The following TEAD2 variants were observed in gnomAD, a reference collection of about 807,000 sequenced individuals.
TEAD2 encodes TEA domain transcription factor 2, also known as transcriptional enhancer factor TEF-4.
A neutral mutation model predicts 61.4 loss-of-function variants in TEAD2; 51 were observed. That is an observed-to-expected ratio of 0.83 (90% CI 0.66 to 1.05). The LOEUF (loss-of-function observed/expected upper bound fraction) is 1.05, where lower values mean the gene tolerates loss of function less well. Among genes scored for constraint, TEAD2 ranks in the 50% least tolerant of loss-of-function variants. The pLI is 0.00. For missense variants in TEAD2, 509 were observed against 600.0 expected (o/e 0.85, Z 1.58); for synonymous variants, 244 against 243.2 (o/e 1.00, Z -0.03).
intron 3 of TEAD2, chr19:49,357,732 G>A (rs1332643851): frequency 4.1e-6 from 1 of 243,028 alleles, no homozygotes; most frequent in African/African-American, 2.2e-5. Flanking sequence ...GGATCATGGA[G>A]GTGAACCCCT....
At chr19:49,356,662 G>C (rs1370007341) in intron 4 of TEAD2, among the ~76,000 whole-genome samples, 1 of 152,092 alleles carries the variant, frequency 6.6e-6, no homozygotes, top group Admixed American at 6.6e-5. Flanking sequence ...GGGAAGATAT[G>C]AGACCGCCAG....
At chr19:49,361,127 C>T (rs1295741275) in intron 1 of TEAD2, among the ~76,000 whole-genome samples, 4 of 97,372 alleles carry the variant, frequency 4.1e-5, no homozygotes, top group Non-Finnish European at 7.4e-5. Context: ...GAGGGGGAGA[C>T]AGAGACCAGA....
At chr19:49,346,841 CT>C (rs1422474845) in intron 10 of TEAD2, among the ~76,000 whole-genome samples, 1 of 152,194 alleles carries the variant, frequency 6.6e-6, no homozygotes, top group African/African-American at 2.4e-5. Flanking sequence ...GGGGTCTTTC[CT>C]TAGCAGCACG....
In TEAD2 at chr19:49,357,296, C is replaced by T; in HGVS notation, c.316G>A (p.Val106Ile). The change falls in exon 4 of 13, where the codon GTT becomes ATT. Residue 106 changes from valine (V) to isoleucine (I), a missense_variant. Physicochemically the swap from Val to Ile is conservative, Grantham distance 29. Coordinates refer to ENST00000593945, the MANE Select transcript of TEAD2 (RefSeq NM_001256660.2). The part of the protein sequence containing the change: ...TRKQVSSHIQ[V>I]LARRKSREIQ... ...TCCCTTGATTTCCTTCGGGCCAAAACCTGGATGTGACTAGAAACCTGGAAG... is the reference window on the plus strand; with the variant it reads ...TCCCTTGATTTCCTTCGGGCCAAAATCTGGATGTGACTAGAAACCTGGAAG... 6.2e-7 allele frequency: 1 copy of T among 1,613,780 alleles called. No individual in the cohort carries two copies. The highest frequency in any genetic ancestry group is 1.1e-5 in the South Asian group (1 of 91,048).
chr19:49,342,359 T>A (rs1971348560), intron 12 of TEAD2, 79 bp downstream of exon 12: 6 of 1,536,476 alleles, frequency 3.9e-6, no homozygotes, highest in South Asian at 2.4e-5. Flanking sequence ...GGTGAGGAGA[T>A]CCCCTAGACT....
chr19:49,348,905 C>T, intron 8 of TEAD2, 60 bp from the exon 9 acceptor site: 1 of 1,433,416 alleles, frequency 7.0e-7, no homozygotes, highest in Non-Finnish European at 9.1e-7. Flanking sequence ...ATATCAGGTA[C>T]TGTTGTCTCT....
At chr19:49,358,623 T>C (rs1249581462) in intron 3 of TEAD2, among the ~76,000 whole-genome samples, 2 of 151,106 alleles carry the variant, frequency 1.3e-5, no homozygotes, top group Non-Finnish European at 2.9e-5. Flanking sequence ...AAAGCTCTTT[T>C]CTTTCTTTCT....
intron 10 of TEAD2, among the ~76,000 whole-genome samples, chr19:49,343,662 C>T (rs961630191): frequency 4.0e-5 from 6 of 151,338 alleles, no homozygotes; most frequent in African/African-American, 1.2e-4. Flanking sequence ...CACTTGAACC[C>T]GGGAGGCAGA....
Position 49,355,371 on chromosome 19 carries a change from A to C in TEAD2, c.421T>G (p.Ser141Ala). The C allele has an allele frequency of 6.2e-7, 1 of 1,614,194 alleles. No individual in the cohort carries two copies. Among genetic ancestry groups the C allele is most frequent in the Non-Finnish European group, 8.5e-7 (1 of 1,180,046 alleles). The change falls in exon 6 of 13, where the codon TCT (serine) becomes GCT (alanine). Residue 141 changes from serine (S) to alanine (A), a missense_variant. Physicochemically the swap from Ser to Ala is moderately conservative, Grantham distance 99. Coordinates refer to ENST00000593945, the MANE Select transcript of TEAD2 (RefSeq NM_001256660.2). The part of the protein sequence containing the change: ...KAFQTMATMS[S>A]AQLISAPSLQ... ...GAAGGCGCGGAGATGAGCTGGGCAGAGGACATGGTTGCCATTGTCTGGAAA... is the reference window on the plus strand; with the variant it reads ...GAAGGCGCGGAGATGAGCTGGGCAGCGGACATGGTTGCCATTGTCTGGAAA...
chr19:49,355,828 A>G (rs1438162269), intron 5 of TEAD2, 131 bp downstream of exon 5: 2 of 882,576 alleles, frequency 2.3e-6, no homozygotes, highest in Middle Eastern at 2.5e-4. Context: ...CCTGTCTCCA[A>G]AAAGAAAAAA....
At chr19:49,346,159 C>G (rs1204370250) in intron 10 of TEAD2, among the ~76,000 whole-genome samples, 2 of 130,878 alleles carry the variant, frequency 1.5e-5, no homozygotes, top group African/African-American at 3.2e-5. Flanking sequence ...GAGCAAAATT[C>G]CATCTCAAAA....
intron 3 of TEAD2, 140 bp from the exon 4 acceptor site, chr19:49,357,454 G>C: frequency 1.1e-6 from 1 of 882,604 alleles, no homozygotes; most frequent in South Asian, 1.5e-5. Context: ...AGCCATCTCG[G>C]GAGCACCCGA....
At chr19:49,358,997 G>T (rs532067500) in intron 3 of TEAD2, among the ~76,000 whole-genome samples, 1 of 152,194 alleles carries the variant, frequency 6.6e-6, no homozygotes, top group South Asian at 2.1e-4. Flanking sequence ...CCAGCACTTT[G>T]GGGGGCTGAG....
intron 7 of TEAD2, among the ~76,000 whole-genome samples, chr19:49,351,911 G>A (rs775675521): frequency 3.3e-5 from 5 of 151,944 alleles, no homozygotes; most frequent in South Asian, 2.1e-4. Context: ...GCTTGAACCC[G>A]GGAGGCAGAT....
At chr19:49,342,201 AAGAG>A (rs917270539) in intron 12 of TEAD2, among the ~76,000 whole-genome samples, 280 of 151,394 alleles carry the variant, frequency 1.8e-3, no homozygotes, top group Non-Finnish European at 2.7e-3. Flanking sequence ...CAAAAAAAAA[AAGAG>A]AGAGAGTGCT....
chr19:49,359,976 C>T lies in TEAD2; in HGVS notation c.100G>A (p.Gly34Arg). The change falls in exon 2 of 13, where the codon GGG (glycine) becomes AGG (arginine). Residue 34 changes from glycine to arginine, a missense_variant. By Grantham distance (125) the Gly-to-Arg change is moderately radical. Transcript: ENST00000593945. The surrounding 1 kb of genome is among the most constrained non-coding windows in gnomAD (Gnocchi z 4.1). ...EEGTGGSEGA[G>R]GDGGPDAEGV... ...TCTGCATCCGGGCCCCCGTCACCCC[C>T]AGCCCCCTCACTGCCGCCGGTACCC... is the stretch of plus-strand genomic sequence containing the variant. 6.2e-7 allele frequency: 1 copy of T among 1,610,338 alleles called. No homozygotes were observed. The highest frequency in any genetic ancestry group is 8.5e-7 in the Non-Finnish European group (1 of 1,179,910).
chr19:49,343,156 G>A, intron 11 of TEAD2, 75 bp downstream of exon 11: 1 of 1,490,264 alleles, frequency 6.7e-7, no homozygotes. Context: ...ACTCCCAAAT[G>A]CCTGAGTCAT....
Position 49,341,064 on chromosome 19 carries a change from C to T in TEAD2, c.*260G>A, listed in dbSNP as rs1234526726. On this transcript the variant is annotated 3_prime_UTR_variant, in exon 13 of 13. Coordinates refer to ENST00000593945, the MANE Select transcript of TEAD2 (RefSeq NM_001256660.2). This position sits in a 1 kb window ranked among gnomAD's most constrained non-coding sequence, Gnocchi z 4.2. Reference sequence around the variant, plus strand: ...CCTGTCCCCACAATCCCTGATACTCCGGAGTGATCTGTCCTTTCAGACACC... The same window carrying T: ...CCTGTCCCCACAATCCCTGATACTCTGGAGTGATCTGTCCTTTCAGACACC... The T allele has an allele frequency of 3.5e-5, 15 of 425,250 alleles. No individual in the cohort carries two copies. The highest frequency in any genetic ancestry group is 2.5e-4 in the South Asian group (9 of 35,922). The allele number at this position is 425,250 out of a possible 1,614,324, so 26.3% of individuals were successfully genotyped here. A position where few individuals can be genotyped will look rare whatever the true frequency, so the allele number is the denominator to read the frequency against.
At position 49,342,497 on chromosome 19, in the gene TEAD2, G is replaced by T; in HGVS notation, c.1183C>A (p.Arg395=). The T allele has an allele frequency of 6.2e-7, 1 of 1,614,174 alleles. No individual in the cohort carries two copies. Among genetic ancestry groups the T allele is most frequent in the Non-Finnish European group, 8.5e-7 (1 of 1,180,020 alleles). The change falls in exon 12 of 13, where the codon CGG becomes AGG. Residue 395 remains arginine, a synonymous_variant. Coordinates refer to ENST00000593945, the MANE Select transcript of TEAD2 (RefSeq NM_001256660.2). ...ATCATGTATCGCTCAGGCAGCTGCC[G>T]CAACTTGTGCAAGAAATTCACCAGG... ...EYLVNFLHKL[R]QLPERYMMNS...
Sources: gnomAD v4.1 joint callset for allele counts (sites outside exome capture counted in the v4.1 genomes callset) on GRCh38, gnomAD v4.1.1 for gene constraint, Gnocchi (gnomAD v3.1) non-coding constraint, MANE v1.5 for transcripts, NCBI Gene and HGNC (gene_info 2026-07-23, HGNC 2026-07-21) for gene names.